The following QTGAL variants were observed in gnomAD, a reference collection of about 807,000 sequenced individuals.
QTGAL encodes the protein BGnT-like protein 1.
At chr17:82,962,989 C>T in the QTGAL span, among the ~76,000 whole-genome samples, 5 of 152,186 alleles carry the variant, frequency 3.3e-5, no homozygotes, top group Non-Finnish European at 5.9e-5. Flanking sequence ...CCCAATCAGC[C>T]TCCAGGTGCC....
At chr17:82,993,773 T>C in the QTGAL span, among the ~76,000 whole-genome samples, 2 of 151,294 alleles carry the variant, frequency 1.3e-5, no homozygotes, top group Non-Finnish European at 3.0e-5. Context: ...AAAAAACACC[T>C]GAAATAATAT....
the QTGAL span, chr17:82,948,412 G>C: frequency 6.6e-6 from 1 of 152,290 alleles, no homozygotes; most frequent in Non-Finnish European, 1.5e-5. Flanking sequence ...GCTCACGCAG[G>C]AGGACACAGC....
the QTGAL span, among the ~76,000 whole-genome samples, chr17:82,969,262 C>T: frequency 1.3e-5 from 2 of 152,030 alleles, no homozygotes; most frequent in Non-Finnish European, 2.9e-5. Flanking sequence ...CGCATTCAAG[C>T]GATTCTTGTG....
chr17:82,971,280 CAA>C, the QTGAL span, among the ~76,000 whole-genome samples: 2 of 152,202 alleles, frequency 1.3e-5, no homozygotes, highest in African/African-American at 4.8e-5. Context: ...GATCCAGAAA[CAA>C]GAGCATAAGG....
the QTGAL span, among the ~76,000 whole-genome samples, chr17:83,043,129 A>G: frequency 1.4e-5 from 2 of 146,126 alleles, no homozygotes; most frequent in Non-Finnish European, 3.0e-5. Flanking sequence ...ATCTAGAGAG[A>G]AGATAATAAA....
the QTGAL span, chr17:82,942,505 A>G: frequency 8.7e-6 from 14 of 1,613,522 alleles, no homozygotes; most frequent in South Asian, 1.3e-4. Context: ...CCTGGTGAGG[A>G]TGTCTTGTTC....
chr17:82,946,241 A>G, the QTGAL span, among the ~76,000 whole-genome samples: 2 of 152,240 alleles, frequency 1.3e-5, no homozygotes, highest in Non-Finnish European at 2.9e-5. Context: ...ACACACACAC[A>G]ATTAGAAATA....
At chr17:83,013,267 C>T in the QTGAL span, among the ~76,000 whole-genome samples, 2 of 151,926 alleles carry the variant, frequency 1.3e-5, no homozygotes, top group Non-Finnish European at 2.9e-5. Context: ...GCCCTCTGCA[C>T]CCGAGAAGGT....
At chr17:83,006,737 C>G in the QTGAL span, 2 of 985,512 alleles carry the variant, frequency 2.0e-6, no homozygotes, top group African/African-American at 1.7e-5. This position sits in a 1 kb window ranked among gnomAD's most constrained non-coding sequence, Gnocchi z 5.8. Context: ...GCTCCCAGGA[C>G]AGGCTTCCAG....
At chr17:82,951,633 G>A in the QTGAL span, among the ~76,000 whole-genome samples, 2 of 152,154 alleles carry the variant, frequency 1.3e-5, no homozygotes, top group Non-Finnish European at 2.9e-5. Context: ...CCTGCCAGTC[G>A]TGGCTTTCGA....
chr17:82,995,616 C>G, the QTGAL span, among the ~76,000 whole-genome samples: 1 of 152,120 alleles, frequency 6.6e-6, no homozygotes, highest in Admixed American at 6.5e-5. Flanking sequence ...ATCTCCTGAC[C>G]TCATGATCCA....
chr17:83,005,455 C>G, the QTGAL span: 11 of 629,420 alleles, frequency 1.7e-5, no homozygotes, highest in Non-Finnish European at 2.9e-5. This position sits in a 1 kb window ranked among gnomAD's most constrained non-coding sequence, Gnocchi z 5.6. Flanking sequence ...ACGCGCATCT[C>G]GGCGGTGAAC....
the QTGAL span, among the ~76,000 whole-genome samples, chr17:83,040,389 T>C: frequency 0.2 from 30,865 of 152,074 alleles, 3,289 homozygotes; most frequent in Non-Finnish European, 0.24. Flanking sequence ...TCAAGTCTTA[T>C]ATGGAAACTT....
At chr17:83,020,974 C>CT in the QTGAL span, among the ~76,000 whole-genome samples, 1 of 152,216 alleles carries the variant, frequency 6.6e-6, no homozygotes, top group Non-Finnish European at 1.5e-5. Flanking sequence ...CTTTATGATA[C>CT]TTTATAGAGT....
chr17:83,008,006 G>A, the QTGAL span, among the ~76,000 whole-genome samples: 9 of 152,208 alleles, frequency 5.9e-5, no homozygotes, highest in Admixed American at 3.9e-4. Flanking sequence ...CGATGCTGCC[G>A]GCACCTTCCT....
chr17:82,966,215 C>T, the QTGAL span, among the ~76,000 whole-genome samples: 1 of 151,810 alleles, frequency 6.6e-6, no homozygotes, highest in Non-Finnish European at 1.5e-5. Context: ...CCGTGCCTGG[C>T]TATTTTCTTA....
chr17:82,959,245 C>T, the QTGAL span, among the ~76,000 whole-genome samples: 189 of 151,842 alleles, frequency 1.2e-3, no homozygotes, highest in African/African-American at 3.4e-3. Context: ...TGTGTGTACA[C>T]GCATGTGTAC....
the QTGAL span, among the ~76,000 whole-genome samples, chr17:83,021,280 A>G: frequency 6.6e-6 from 1 of 152,210 alleles, no homozygotes; most frequent in Non-Finnish European, 1.5e-5. Context: ...GGAGAGGGGT[A>G]AAAGGCTCCT....
At chr17:82,990,416 C>T in the QTGAL span, among the ~76,000 whole-genome samples, 1 of 152,240 alleles carries the variant, frequency 6.6e-6, no homozygotes, top group Non-Finnish European at 1.5e-5. Context: ...GACTCGCCAT[C>T]GTAGGCAAGA....
Sources: gnomAD v4.1 joint callset for allele counts (sites outside exome capture counted in the v4.1 genomes callset) on GRCh38, gnomAD v4.1.1 for gene constraint, Gnocchi (gnomAD v3.1) non-coding constraint, MANE v1.5 for transcripts, NCBI Gene and HGNC (gene_info 2026-07-23, HGNC 2026-07-21) for gene names.